MCC: variants seen among roughly 807,000 people sequenced by gnomAD.
MCC encodes the protein colorectal mutant cancer protein.
A neutral mutation model predicts 116.2 loss-of-function variants in MCC; 90 were observed. That is an observed-to-expected ratio of 0.77 (90% CI 0.65 to 0.92). The LOEUF is 0.92. Among genes scored for constraint, MCC ranks in the 40% least tolerant of loss-of-function variants. MCC has a pLI of 0.00. For missense variants in MCC, 1,516 were observed against 1,312.2 expected, an observed-to-expected ratio of 1.16 and a Z score of -2.40; for synonymous variants, 578 against 510.5, an observed-to-expected ratio of 1.13 and a Z score of -1.78.
chr5:113,134,263 G>T (rs983531411), intron 5 of MCC, among the ~76,000 whole-genome samples: 1 of 152,156 alleles, frequency 6.6e-6, no homozygotes, highest in Admixed American at 6.5e-5. Context: ...AGAGATTGGT[G>T]TCTGGTTTCA....
chr5:113,108,214 G>A (rs7707570), intron 6 of MCC, among the ~76,000 whole-genome samples: 2,470 of 151,128 alleles, frequency 0.016, 77 homozygotes, highest in African/African-American at 0.057. Flanking sequence ...GTGTGGTGGC[G>A]CACACCTGTA....
chr5:113,456,212 T>C (rs1219276085), intron 1 of MCC, among the ~76,000 whole-genome samples: 1 of 152,148 alleles, frequency 6.6e-6, no homozygotes, highest in African/African-American at 2.4e-5. Flanking sequence ...ATAGGCTGAA[T>C]TTTAATGGCT....
rs558951920 is a variant in MCC at position 113,259,676 on chromosome 5, C to T, written c.627+80843G>A. ...CATTATTTTTCCCTTTAGGGTGATT[C>T]GAACTCCTAGAACATGTTAACCCAT... On this transcript the variant is annotated intron_variant, in intron 3 of 18. Transcript: ENST00000408903. Among the ~76,000 whole-genome samples, 6 of 152,062 alleles carry T rather than the reference C, an allele frequency of 3.9e-5. No individual in the cohort carries two copies. In the East Asian group the frequency reaches 9.7e-4, roughly 24 times the overall value.
At chr5:113,166,026 A>C (rs1447637248) in intron 3 of MCC, among the ~76,000 whole-genome samples, 1 of 152,162 alleles carries the variant, frequency 6.6e-6, no homozygotes, top group Non-Finnish European at 1.5e-5. Context: ...AGCCCAGCCT[A>C]ATCATTACTT....
chr5:113,252,821 G>C (rs1425386799), intron 3 of MCC, among the ~76,000 whole-genome samples: 1 of 152,076 alleles, frequency 6.6e-6, no homozygotes, highest in Non-Finnish European at 1.5e-5. Flanking sequence ...TCCAAACCTA[G>C]TCCATACTAT....
At chr5:113,311,436 G>T (rs1161357211) in intron 3 of MCC, among the ~76,000 whole-genome samples, 1 of 152,184 alleles carries the variant, frequency 6.6e-6, no homozygotes, top group East Asian at 1.9e-4. Flanking sequence ...GACAGGTTCA[G>T]CAGTTGCTCT....
At chr5:113,310,809 G>A (rs1767119022) in intron 3 of MCC, among the ~76,000 whole-genome samples, 1 of 152,182 alleles carries the variant, frequency 6.6e-6, no homozygotes. Flanking sequence ...CTTTCTTAAG[G>A]TGGGAACCTC....
chr5:113,064,129 T>C lies in MCC; in HGVS notation c.2068A>G (p.Lys690Glu), dbSNP rs143335401. 5.6e-6 allele frequency: 9 copies of C among 1,613,570 alleles called. No individual in the cohort carries two copies. Among genetic ancestry groups the C allele is most frequent in the Non-Finnish European group, 6.8e-6 (8 of 1,179,768 alleles). The change falls in exon 14 of 19, where the codon AAG becomes GAG. Residue 690 changes from lysine (K) to glutamate (E), a missense_variant. Physicochemically the swap from Lys to Glu is moderately conservative, Grantham distance 56. Coordinates refer to ENST00000408903, the MANE Select transcript of MCC (RefSeq NM_001085377.2). Reference protein sequence around the residue: ...SGDENITQMLKRAHDCRKTAE... With the variant: ...SGDENITQMLERAHDCRKTAE... ...GTCTTCCGGCAGTCATGAGCTCGCT[T>C]GAGCATCTGAGTGATGTTTTCATCC... is the stretch of plus-strand genomic sequence containing the variant.
intron 3 of MCC, among the ~76,000 whole-genome samples, chr5:113,184,479 G>GTTTTTT (rs11303638): frequency 5.2e-5 from 6 of 115,124 alleles, no homozygotes; most frequent in Admixed American, 1.0e-4. Flanking sequence ...TTCGTTTTTT[G>GTTTTTT]TTTTTTTTTT....
At chr5:113,149,484 T>C (rs1464468004) in intron 4 of MCC, among the ~76,000 whole-genome samples, 1 of 152,184 alleles carries the variant, frequency 6.6e-6, no homozygotes, top group East Asian at 1.9e-4. Flanking sequence ...CTGGTGGCCT[T>C]GCTGAGCTAC....
chr5:113,402,490 A>AT (rs990830463), intron 1 of MCC, among the ~76,000 whole-genome samples: 2 of 151,822 alleles, frequency 1.3e-5, no homozygotes, highest in South Asian at 2.1e-4. Context: ...CACATGGAGG[A>AT]TTTTTTTTAA....
intron 3 of MCC, among the ~76,000 whole-genome samples, chr5:113,232,009 A>G (rs1249442753): frequency 6.6e-6 from 1 of 152,182 alleles, no homozygotes; most frequent in Non-Finnish European, 1.5e-5. Flanking sequence ...TGGTTTTATA[A>G]TGTAGACTCA....
chr5:113,390,651 G>A (rs1411083291), intron 1 of MCC, among the ~76,000 whole-genome samples: 2 of 152,096 alleles, frequency 1.3e-5, no homozygotes, highest in Admixed American at 1.3e-4. Context: ...CCTAACCTTG[G>A]GGATGTATAA....
chr5:113,432,307 C>T (rs1022884774), intron 1 of MCC, among the ~76,000 whole-genome samples: 2 of 118,064 alleles, frequency 1.7e-5, no homozygotes, highest in Non-Finnish European at 3.2e-5. Flanking sequence ...TGGGCTAGAG[C>T]GAGACTCTGT....
intron 11 of MCC, among the ~76,000 whole-genome samples, chr5:113,073,162 T>C (rs776446554): frequency 4.6e-5 from 7 of 152,182 alleles, no homozygotes; most frequent in Non-Finnish European, 7.3e-5. Context: ...CTTCTTCCAG[T>C]GTGGCCCAGG....
intron 3 of MCC, among the ~76,000 whole-genome samples, chr5:113,229,483 G>A (rs1175660421): frequency 6.6e-6 from 1 of 152,116 alleles, no homozygotes; most frequent in Non-Finnish European, 1.5e-5. Flanking sequence ...AAAAAGAAAA[G>A]ATGAAAAGTT....
chr5:113,332,793 A>C (rs537637180), intron 3 of MCC, among the ~76,000 whole-genome samples: 1 of 151,744 alleles, frequency 6.6e-6, no homozygotes, highest in Non-Finnish European at 1.5e-5. Flanking sequence ...TTAACATCCA[A>C]ATTTTACAGA....
chr5:113,063,433 G>A (rs1308611633), intron 14 of MCC, among the ~76,000 whole-genome samples: 2 of 152,200 alleles, frequency 1.3e-5, no homozygotes, highest in African/African-American at 4.8e-5. Context: ...TCAGGTTCAT[G>A]ACTGAGTGCC....
At chr5:113,102,499 A>G (rs1436307165) in intron 7 of MCC, among the ~76,000 whole-genome samples, 3 of 152,384 alleles carry the variant, frequency 2.0e-5, no homozygotes, top group South Asian at 2.1e-4. Context: ...AAGATGTGAA[A>G]GACAAAAATA....
Sources: gnomAD v4.1 joint callset for allele counts (sites outside exome capture counted in the v4.1 genomes callset) on GRCh38, gnomAD v4.1.1 for gene constraint, MANE v1.5 for transcripts, NCBI Gene and HGNC (gene_info 2026-07-23, HGNC 2026-07-21) for gene names.